FLT3: variants seen among roughly 807,000 people sequenced by gnomAD.
FLT3 encodes fms related receptor tyrosine kinase 3.
Under a neutral mutation model 126.6 loss-of-function variants are expected in FLT3, and 46 were observed. That is an observed-to-expected ratio of 0.36 (90% CI 0.29 to 0.46). The LOEUF is 0.46. Ranked by LOEUF, FLT3 falls within the 20% of genes least tolerant of loss-of-function variation. The pLI is 1.00. For missense variants in FLT3, 1,069 were observed against 1,190.3 expected, an observed-to-expected ratio of 0.90 and a Z score of 1.50; for synonymous variants, 404 against 434.4, an observed-to-expected ratio of 0.93 and a Z score of 0.87.
At chr13:28,083,838 T>C (rs1226866291) in intron 1 of FLT3, among the ~76,000 whole-genome samples, 9 of 152,206 alleles carry the variant, frequency 5.9e-5, no homozygotes, top group Admixed American at 5.9e-4. Context: ...ACTTCTCTCA[T>C]TCCTGATATT....
chr13:28,033,061 T>C (rs1367201158), intron 15 of FLT3, among the ~76,000 whole-genome samples: 1 of 151,624 alleles, frequency 6.6e-6, no homozygotes, highest in African/African-American at 2.4e-5. Context: ...AACCCACACC[T>C]GTAATCCCAG....
intron 23 of FLT3, among the ~76,000 whole-genome samples, chr13:28,006,340 G>GTGTATC (rs1870893666): frequency 6.9e-6 from 1 of 144,312 alleles, no homozygotes; most frequent in African/African-American, 2.6e-5. Flanking sequence ...GTGTGTGTGT[G>GTGTATC]TATCCTTTGA....
intron 23 of FLT3, among the ~76,000 whole-genome samples, chr13:28,006,009 A>G (rs1472581442): frequency 6.6e-6 from 1 of 152,042 alleles, no homozygotes; most frequent in Non-Finnish European, 1.5e-5. Flanking sequence ...CTGTAATCCT[A>G]GCACTTTGGG....
chr13:28,048,911 T>C (rs79490353), intron 8 of FLT3, among the ~76,000 whole-genome samples: 2,592 of 152,350 alleles, frequency 0.017, 36 homozygotes, highest in South Asian at 0.031. Flanking sequence ...CTGAGATTAT[T>C]GAACTGTGGT....
chr13:28,008,016 A>G (rs1228509106), intron 23 of FLT3, among the ~76,000 whole-genome samples: 1 of 150,410 alleles, frequency 6.6e-6, no homozygotes, highest in African/African-American at 2.5e-5. Flanking sequence ...CTTCTTCTTT[A>G]TTGTTGTTTG....
intron 23 of FLT3, among the ~76,000 whole-genome samples, chr13:28,012,198 A>C (rs1004567836): frequency 6.6e-6 from 1 of 152,136 alleles, no homozygotes; most frequent in Non-Finnish European, 1.5e-5. Context: ...GAACTGGGAG[A>C]AAAAGTTTGT....
chr13:28,078,896 T>C (rs1878137425), intron 1 of FLT3, among the ~76,000 whole-genome samples: 1 of 152,110 alleles, frequency 6.6e-6, no homozygotes, highest in African/African-American at 2.4e-5. Context: ...GTATTTTTAG[T>C]AGAGACAGGG....
intron 1 of FLT3, among the ~76,000 whole-genome samples, chr13:28,081,844 CTTTTTTTTTTTTTTTT>C (rs35243277): frequency 4.6e-5 from 3 of 64,970 alleles, no homozygotes; most frequent in African/African-American, 7.0e-5. Flanking sequence ...TACTTTGATT[CTTTTTTTTTTTTTTTT>C]TTTTTTTTTT....
intron 1 of FLT3, among the ~76,000 whole-genome samples, chr13:28,082,088 T>C (rs143584770): frequency 0.012 from 1,889 of 152,056 alleles, 37 homozygotes; most frequent in African/African-American, 0.042. Flanking sequence ...ATTCCTGACG[T>C]CAGGTGATCT....
intron 1 of FLT3, among the ~76,000 whole-genome samples, chr13:28,092,915 C>CT (rs780584936): frequency 0.021 from 1,843 of 89,808 alleles, 32 homozygotes; most frequent in Non-Finnish European, 0.025. Flanking sequence ...CCAGAGACTA[C>CT]TTTTTTTTTT....
At chr13:28,043,952 A>G (rs1874618834) in intron 9 of FLT3, among the ~76,000 whole-genome samples, 1 of 151,732 alleles carries the variant, frequency 6.6e-6, no homozygotes, top group South Asian at 2.1e-4. Context: ...TCTACTAAAA[A>G]TACAAAAATT....
intron 9 of FLT3, among the ~76,000 whole-genome samples, chr13:28,046,378 G>A (rs887379744): frequency 1.3e-5 from 2 of 152,026 alleles, no homozygotes; most frequent in African/African-American, 4.8e-5. Flanking sequence ...CGGAATCAAG[G>A]TGAAAAGAAC....
chr13:28,092,863 A>G (rs1206895934), intron 1 of FLT3, among the ~76,000 whole-genome samples: 2 of 149,388 alleles, frequency 1.3e-5, no homozygotes, highest in African/African-American at 4.9e-5. Context: ...ACACACACAT[A>G]CACACACAGA....
In FLT3 at chr13:28,100,360, G is replaced by C. The variant is rs1226381911; in HGVS notation, c.43+108C>G. ...GGGAGGCAATGGAAGGAGCGAGCGC[G>C]GGGAGGAGCGAGGCGGCTGGGCCGG... On this transcript the variant is annotated intron_variant, in intron 1 of 23. Coordinates refer to ENST00000241453, the MANE Select transcript of FLT3 (RefSeq NM_004119.3). This position sits in a 1 kb window ranked among gnomAD's most constrained non-coding sequence, Gnocchi z 4.8. 8 of 753,668 alleles carry C rather than the reference G, an allele frequency of 1.1e-5. No homozygotes were observed. The highest frequency in any genetic ancestry group is 3.7e-5 in the East Asian group (1 of 27,338). The allele number at this position is 753,668 out of a possible 1,614,324, so 46.7% of individuals were successfully genotyped here.
rs544488338 is a variant in FLT3, at chr13:28,083,208, T to C, written c.44-12596A>G. On this transcript the variant is annotated intron_variant, in intron 1 of 23. Transcript: ENST00000241453. The stretch of plus-strand genomic sequence containing the variant: ...GTAATGGATATTGAACTTTGTCAAA[T>C]GCTTTGTCTGTATCTATTGAGATAA... Among the ~76,000 whole-genome samples the C allele has an allele frequency of 1.2e-4, 18 of 152,314 alleles. No homozygotes were observed. The East Asian group carries it at 3.3e-3, about 28-fold the overall frequency.
intron 1 of FLT3, among the ~76,000 whole-genome samples, chr13:28,078,523 G>A (rs2137804715): frequency 6.6e-6 from 1 of 152,236 alleles, no homozygotes; most frequent in South Asian, 2.1e-4. Context: ...TGGGGATCCT[G>A]GGCTCAGCCC....
intron 9 of FLT3, among the ~76,000 whole-genome samples, chr13:28,038,655 G>A (rs367770615): frequency 5.3e-5 from 8 of 152,076 alleles, no homozygotes; most frequent in East Asian, 1.9e-4. Flanking sequence ...GGGGTTCACC[G>A]TGTTAGCCAG....
At chr13:28,069,610 G>A (rs1279872460) in intron 2 of FLT3, among the ~76,000 whole-genome samples, 2 of 152,040 alleles carry the variant, frequency 1.3e-5, no homozygotes, top group Admixed American at 6.6e-5. Flanking sequence ...GTAACCATGG[G>A]TTCCGCATCC....
At chr13:28,037,848 G>A (rs573161342) in intron 9 of FLT3, among the ~76,000 whole-genome samples, 7 of 152,244 alleles carry the variant, frequency 4.6e-5, no homozygotes, top group South Asian at 4.1e-4. Context: ...CCACAGGAGC[G>A]GAAACCCCAC....
Sources: gnomAD v4.1 joint callset for allele counts (sites outside exome capture counted in the v4.1 genomes callset) on GRCh38, gnomAD v4.1.1 for gene constraint, Gnocchi (gnomAD v3.1) non-coding constraint, MANE v1.5 for transcripts, NCBI Gene and HGNC (gene_info 2026-07-23, HGNC 2026-07-21) for gene names.